LRRC17: variants seen among roughly 807,000 people sequenced by gnomAD.
The protein encoded by LRRC17 is leucine rich repeat containing 17, also known as leucine-rich repeat-containing protein 17.
Under a neutral mutation model 41.5 loss-of-function variants are expected in LRRC17, and 33 were observed. That is an observed-to-expected ratio of 0.80 (90% CI 0.60 to 1.06). The LOEUF (loss-of-function observed/expected upper bound fraction) is 1.06. Ranked by LOEUF, LRRC17 falls within the 50% of genes least tolerant of loss-of-function variation. LRRC17 has a pLI of 0.00. For synonymous variants in LRRC17, 192 were observed against 197.0 expected, an observed-to-expected ratio of 0.97 and a Z score of 0.21; for missense variants, 491 against 519.3, an observed-to-expected ratio of 0.95 and a Z score of 0.53.
chr7:102,920,690 T>C (rs1181655004), intron 1 of LRRC17, among the ~76,000 whole-genome samples: 1 of 151,976 alleles, frequency 6.6e-6, no homozygotes, highest in Non-Finnish European at 1.5e-5. Flanking sequence ...TTTAAACTGC[T>C]CTCTTAAAAA....
intron 1 of LRRC17, among the ~76,000 whole-genome samples, chr7:102,927,274 T>C (rs1818316833): frequency 6.6e-6 from 1 of 152,164 alleles, no homozygotes; most frequent in East Asian, 1.9e-4. Context: ...CCAGTTTAAG[T>C]ATTAGTGGTG....
At position 102,939,376 on chromosome 7, in the gene LRRC17, G is replaced by A. The variant is rs532528539; in HGVS notation, c.773-54G>A. ...CAATCACACAGATATAACGGTGACC[G>A]AGGAAATGGGGGCAAAAAGAGCATA... On this transcript the variant is annotated intron_variant, in intron 2 of 3. Transcript: ENST00000339431. 6.1e-6 allele frequency: 9 copies of A among 1,472,458 alleles called. No homozygotes were observed. In the Admixed American group the frequency reaches 7.4e-5, roughly 12 times the overall value. The allele number at this position is 1,472,458 out of a possible 1,614,324, so 91.2% of individuals were successfully genotyped here.
chr7:102,944,424 T>C lies in LRRC17; in HGVS notation c.1143T>C (p.Pro381=), dbSNP rs1461606395. The C allele has an allele frequency of 6.2e-7, 1 of 1,613,882 alleles. No individual in the cohort carries two copies. The highest frequency in any genetic ancestry group is 8.5e-7 in the Non-Finnish European group (1 of 1,179,968). Residue 381 remains proline (P), a synonymous_variant, in exon 4 of 4, where the codon CCT becomes CCC. Coordinates refer to ENST00000339431, the MANE Select transcript of LRRC17 (RefSeq NM_001031692.3). The stretch of plus-strand genomic sequence containing the variant: ...TTAATGGCCTGGAATGCAAAACGCC[T>C]GAAGAATACAAAGGATGGTCTGTGG... The part of the protein sequence containing the change: ...VHFNGLECKT[P]EEYKGWSVGK...
chr7:102,944,554 CAT>C lies in LRRC17; in HGVS notation c.1275_1276del (p.His425GlnfsTer19), dbSNP rs775148811. The C allele has an allele frequency of 1.3e-5, 21 of 1,612,948 alleles. No homozygotes were observed. The highest frequency in any genetic ancestry group is 1.4e-5 in the Non-Finnish European group (17 of 1,179,714). ...AGAAGATGATGAATGGGAAAAAAAA[CAT>C]AGAGATCACACCGCAAAGAAGCAAA... ...DTEDDEWEKK[H>X]RDHTAKKQSV... On this transcript the variant is annotated frameshift_variant, in exon 4 of 4. Transcript: ENST00000339431. LOFTEE classifies it high-confidence loss of function.
chr7:102,921,597 T>C (rs1013409678), intron 1 of LRRC17, among the ~76,000 whole-genome samples: 1 of 151,976 alleles, frequency 6.6e-6, no homozygotes, highest in Non-Finnish European at 1.5e-5. Flanking sequence ...GGAAAATTGC[T>C]TGAACCCAGG....
rs762878029 is a variant in LRRC17 at position 102,934,619 on chromosome 7, G to C, written c.706G>C (p.Glu236Gln). Residue 236 changes from glutamate (E) to glutamine (Q), a missense_variant, in exon 2 of 4, where the codon GAG becomes CAG. Glu to Gln is a conservative substitution (Grantham distance 29). Transcript: ENST00000339431. Reference protein sequence around the residue: ...VSGRPPVIKPEVDSTFCHNYV... With the variant: ...VSGRPPVIKPQVDSTFCHNYV... ...AGGGAGACCCCCAGTCATCAAGCCT[G>C]AGGTGGACTCAACTTTTTGCCACAA... The C allele has an allele frequency of 5.6e-6, 9 of 1,611,092 alleles. No homozygotes were observed. The highest frequency in any genetic ancestry group is 1.1e-5 in the South Asian group (1 of 90,236).
chr7:102,922,549 T>G (rs1182481179), intron 1 of LRRC17, among the ~76,000 whole-genome samples: 1 of 152,184 alleles, frequency 6.6e-6, no homozygotes, highest in Non-Finnish European at 1.5e-5. Flanking sequence ...AGCACGCAAC[T>G]TACAAATGAT....
At position 102,944,553 on chromosome 7, in the gene LRRC17, AC is replaced by A; in HGVS notation, c.1273del (p.His425IlefsTer11). ...CAGAAGATGATGAATGGGAAAAAAA[AC>A]ATAGAGATCACACCGCAAAGAAGCA... ...DTEDDEWEKK[H>X]RDHTAKKQSV... On this transcript the variant is annotated frameshift_variant, in exon 4 of 4. Coordinates refer to ENST00000339431, the MANE Select transcript of LRRC17 (RefSeq NM_001031692.3). LOFTEE classifies it high-confidence loss of function. The A allele has an allele frequency of 6.2e-7, 1 of 1,613,482 alleles. No individual in the cohort carries two copies. Among genetic ancestry groups the A allele is most frequent in the Non-Finnish European group, 8.5e-7 (1 of 1,179,864 alleles).
At chr7:102,919,467 T>C (rs80000554) in intron 1 of LRRC17, among the ~76,000 whole-genome samples, 2,210 of 152,328 alleles carry the variant, frequency 0.015, 49 homozygotes, top group African/African-American at 0.049. Context: ...AAATATATTT[T>C]AGTGTTCAAA....
At chr7:102,944,174 AATTACTCAGG>A in intron 3 of LRRC17, 26 bp from the exon 4 acceptor site, 1 of 1,551,790 alleles carries the variant, frequency 6.4e-7, no homozygotes, top group African/African-American at 1.4e-5. Flanking sequence ...GTATTAACTC[AATTACTCAGG>A]CTCAATAAAT....
Position 102,934,670 on chromosome 7 carries a change from G to T in LRRC17, c.757G>T (p.Asp253Tyr). 1 of 1,587,868 alleles carries T rather than the reference G, an allele frequency of 6.3e-7. No individual in the cohort carries two copies. Among genetic ancestry groups the T allele is most frequent in the Non-Finnish European group, 8.5e-7 (1 of 1,172,586 alleles). ...HNYVFPIQTL[D>Y]CKRKELKKVP... ...TTATGTGTTTCCCATACAAACACTGGACTGCAAAAGGAAAGGTTTGTACTT... is the reference window on the plus strand; with the variant it reads ...TTATGTGTTTCCCATACAAACACTGTACTGCAAAAGGAAAGGTTTGTACTT... The change falls in exon 2 of 4, where the codon GAC (aspartate) becomes TAC (tyrosine). Residue 253 changes from aspartate to tyrosine, a missense_variant. Transcript: ENST00000339431.
intron 2 of LRRC17, among the ~76,000 whole-genome samples, chr7:102,936,826 A>C (rs1451269268): frequency 6.6e-6 from 1 of 152,232 alleles, no homozygotes; most frequent in African/African-American, 2.4e-5. Flanking sequence ...TGTTCTAAGA[A>C]GAGATAACAT....
At chr7:102,925,344 A>G (rs965284533) in intron 1 of LRRC17, among the ~76,000 whole-genome samples, 4 of 152,192 alleles carry the variant, frequency 2.6e-5, no homozygotes, top group African/African-American at 9.6e-5. Flanking sequence ...GCCGTAAGCC[A>G]TGATTGTACC....
chr7:102,934,470 T>G lies in LRRC17; in HGVS notation c.557T>G (p.Leu186Trp), dbSNP rs746620612. ...SMLQIPRNRN[L>W]GNYAKCESPQ... is the part of the protein sequence containing the mutation. ...TTGCAGATTCCCAGGAACCGGAATTTGGGGAACTACGCCAAGTGTGAAAGT... is the reference window on the plus strand; with the variant it reads ...TTGCAGATTCCCAGGAACCGGAATTGGGGGAACTACGCCAAGTGTGAAAGT... Residue 186 changes from leucine (L) to tryptophan (W), a missense_variant, in exon 2 of 4, where the codon TTG becomes TGG. Transcript: ENST00000339431. 2.5e-6 allele frequency: 4 copies of G among 1,614,050 alleles called. No individual in the cohort carries two copies. The East Asian group carries it at 8.9e-5, about 36-fold the overall frequency.
At position 102,913,062 on chromosome 7, in the gene LRRC17, C is replaced by T; in HGVS notation, c.-224C>T. Reference sequence around the variant, plus strand: ...TGGAGAACTTCCTCACACACCGCAGCAAAGAGAAGACTGAAAGACAAACCT... The same window carrying T: ...TGGAGAACTTCCTCACACACCGCAGTAAAGAGAAGACTGAAAGACAAACCT... On this transcript the variant is annotated 5_prime_UTR_variant, in exon 1 of 4. Coordinates refer to ENST00000339431, the MANE Select transcript of LRRC17 (RefSeq NM_001031692.3). 6.2e-7 allele frequency: 1 copy of T among 1,613,930 alleles called. No homozygotes were observed. The highest frequency in any genetic ancestry group is 1.1e-5 in the South Asian group (1 of 91,054).
intron 2 of LRRC17, among the ~76,000 whole-genome samples, chr7:102,935,035 A>G (rs1820012411): frequency 6.6e-6 from 1 of 152,144 alleles, no homozygotes. Context: ...TGCAAATGCC[A>G]TCTATATAAC....
At chr7:102,925,576 T>C (rs902634745) in intron 1 of LRRC17, among the ~76,000 whole-genome samples, 1 of 151,996 alleles carries the variant, frequency 6.6e-6, no homozygotes, top group Non-Finnish European at 1.5e-5. Flanking sequence ...TCTCAACAGG[T>C]AGCCAGAGCA....
chr7:102,941,112 A>G (rs1238658235), intron 3 of LRRC17, among the ~76,000 whole-genome samples: 1 of 152,246 alleles, frequency 6.6e-6, no homozygotes, highest in Non-Finnish European at 1.5e-5. Context: ...CCCAAGGGAC[A>G]GCAGTATGCT....
At chr7:102,932,513 A>G (rs1819379681) in intron 1 of LRRC17, among the ~76,000 whole-genome samples, 1 of 2,104 alleles carries the variant, frequency 4.8e-4, no homozygotes. Context: ...TTCAACATGT[A>G]TATCATAAAT....
Sources: gnomAD v4.1 joint callset for allele counts (sites outside exome capture counted in the v4.1 genomes callset) on GRCh38, gnomAD v4.1.1 for gene constraint, MANE v1.5 for transcripts, NCBI Gene and HGNC (gene_info 2026-07-23, HGNC 2026-07-21) for gene names.